The following CCDC148 variants were observed in gnomAD, a reference collection of about 807,000 sequenced individuals.
CCDC148 encodes coiled-coil domain-containing protein 148.
A neutral mutation model predicts 85.7 loss-of-function variants in CCDC148; 89 were observed. The observed-to-expected ratio is 1.04, with a 90% CI of 0.87 to 1.24. The LOEUF (loss-of-function observed/expected upper bound fraction) is 1.24, where lower values mean the gene tolerates loss of function less well. Among genes scored for constraint, CCDC148 ranks in the 50% most tolerant of loss-of-function variants. CCDC148 has a pLI of 0.00. For synonymous variants in CCDC148, 230 were observed against 213.9 expected (o/e 1.08, Z -0.66); for missense variants, 692 against 671.7 (o/e 1.03, Z -0.33).
chr2:158,171,268 A>C lies in CCDC148; in HGVS notation c.*845T>G, dbSNP rs761698215. ...TCAGGGAGCTGCAATAGACAGAAAAAGGAGTGGGGTAATCTTAACTGTAAC... is the reference window on the plus strand; with the variant it reads ...TCAGGGAGCTGCAATAGACAGAAAACGGAGTGGGGTAATCTTAACTGTAAC... On this transcript the variant is annotated 3_prime_UTR_variant, in exon 14 of 14. Transcript: ENST00000283233. The C allele has an allele frequency of 6.6e-6, 1 of 151,878 alleles. No homozygotes were observed. Among genetic ancestry groups the C allele is most frequent in the Non-Finnish European group, 1.5e-5 (1 of 67,912 alleles). 9.4% of individuals were successfully genotyped at this position (151,878 alleles called of 1,614,324 possible). A position where few individuals can be genotyped will look rare whatever the true frequency, so the allele number is the denominator to read the frequency against.
chr2:158,340,003 G>T (rs1241218995), intron 5 of CCDC148, among the ~76,000 whole-genome samples: 2 of 152,160 alleles, frequency 1.3e-5, no homozygotes, highest in Admixed American at 1.3e-4. Flanking sequence ...ATGAAAGCAG[G>T]GAAGCCAGTT....
rs1414990411 is a variant in CCDC148 at position 158,338,917 on chromosome 2, A to G, written c.583-10T>C. 2 of 1,599,992 alleles carry G rather than the reference A, an allele frequency of 1.3e-6. No individual in the cohort carries two copies. Among genetic ancestry groups the G allele is most frequent in the Non-Finnish European group, 1.7e-6 (2 of 1,174,976 alleles). ...AAGAATGATCTAGAATCTGAAAAAA[A>G]GTATATGATTATTTTATTTAACATA... is the stretch of plus-strand genomic sequence containing the variant. On this transcript the variant is annotated splice_polypyrimidine_tract_variant and intron_variant, in intron 6 of 13. Coordinates refer to ENST00000283233, the MANE Select transcript of CCDC148 (RefSeq NM_138803.4).
intron 7 of CCDC148, among the ~76,000 whole-genome samples, chr2:158,330,018 G>A (rs1693010125): frequency 6.6e-6 from 1 of 152,008 alleles, no homozygotes; most frequent in Non-Finnish European, 1.5e-5. Context: ...CTGCCTGATT[G>A]CCCTGGCCAG....
intron 11 of CCDC148, among the ~76,000 whole-genome samples, chr2:158,209,216 T>C (rs1437020913): frequency 6.6e-6 from 1 of 152,196 alleles, no homozygotes; most frequent in Non-Finnish European, 1.5e-5. Flanking sequence ...ACCAGGGTAG[T>C]GGCATATTGT....
chr2:158,410,953 A>C (rs1388945905), intron 1 of CCDC148, among the ~76,000 whole-genome samples: 1 of 152,078 alleles, frequency 6.6e-6, no homozygotes, highest in Admixed American at 6.5e-5. Context: ...TTATTTTTAA[A>C]GGATAGTTTT....
intron 1 of CCDC148, chr2:158,380,752 T>C (rs747639552): frequency 3.3e-5 from 5 of 152,136 alleles, no homozygotes; most frequent in Admixed American, 6.6e-5. Flanking sequence ...AAGACTGTTA[T>C]TGGAGCAAGG....
chr2:158,224,078 T>C (rs546937981), intron 10 of CCDC148, among the ~76,000 whole-genome samples: 7 of 151,832 alleles, frequency 4.6e-5, no homozygotes, highest in Non-Finnish European at 1.0e-4. Context: ...TGAAAAAAAA[T>C]TAGACGAATG....
intron 10 of CCDC148, among the ~76,000 whole-genome samples, chr2:158,249,553 G>A (rs1425194210): frequency 1.3e-5 from 2 of 152,126 alleles, no homozygotes; most frequent in African/African-American, 4.8e-5. Flanking sequence ...GCACTGTGAA[G>A]TATATCTTCT....
chr2:158,256,434 C>T (rs924603863), intron 9 of CCDC148, among the ~76,000 whole-genome samples: 4 of 151,672 alleles, frequency 2.6e-5, no homozygotes, highest in Admixed American at 6.6e-5. Context: ...TTCTTCTCCA[C>T]GCAAAGCTGA....
chr2:158,394,780 C>T (rs1273629485), intron 1 of CCDC148, among the ~76,000 whole-genome samples: 2 of 152,034 alleles, frequency 1.3e-5, no homozygotes, highest in East Asian at 1.9e-4. Context: ...TGCTAACTCA[C>T]AGGCAGTAAA....
chr2:158,372,205 G>A (rs984326393), intron 1 of CCDC148, among the ~76,000 whole-genome samples: 4 of 152,026 alleles, frequency 2.6e-5, no homozygotes, highest in African/African-American at 9.6e-5. Context: ...TATAAATTAG[G>A]TATATGCTAC....
intron 1 of CCDC148, among the ~76,000 whole-genome samples, chr2:158,437,844 A>T (rs1230899518): frequency 6.6e-6 from 1 of 152,224 alleles, no homozygotes; most frequent in African/African-American, 2.4e-5. Flanking sequence ...ACAGACAGAG[A>T]GCCAAATTAT....
rs1280343924 is a variant in CCDC148, at chr2:158,313,855, C to T, written c.804G>A (p.Gln268=). The change falls in exon 8 of 14, where the codon CAG becomes CAA. Residue 268 remains glutamine (Q), a synonymous_variant. Transcript: ENST00000283233. ...CTCCAGGGTACTGATCCAAAATAGC[C>T]TGGTAAATCCAGTGGTCTTCTTCAC... ...QLSEEDHWIY[Q]AILDQYPGDL... 6.2e-7 allele frequency: 1 copy of T among 1,613,698 alleles called. No homozygotes were observed. Among genetic ancestry groups the T allele is most frequent in the Non-Finnish European group, 8.5e-7 (1 of 1,179,888 alleles).
At chr2:158,182,672 C>T (rs1684961901) in intron 11 of CCDC148, among the ~76,000 whole-genome samples, 1 of 152,068 alleles carries the variant, frequency 6.6e-6, no homozygotes, top group East Asian at 1.9e-4. Flanking sequence ...AAGGATTGGC[C>T]ATGAAAAAAT....
At chr2:158,444,085 T>C (rs1688058915) in intron 1 of CCDC148, among the ~76,000 whole-genome samples, 1 of 152,222 alleles carries the variant, frequency 6.6e-6, no homozygotes, top group Non-Finnish European at 1.5e-5. Flanking sequence ...TTTTTAAATA[T>C]GAGGAGGAGA....
At chr2:158,238,414 C>G (rs186227571) in intron 10 of CCDC148, among the ~76,000 whole-genome samples, 1 of 152,162 alleles carries the variant, frequency 6.6e-6, no homozygotes, top group African/African-American at 2.4e-5. Context: ...TGGAAATTCT[C>G]TTCTTGTGAA....
intron 10 of CCDC148, among the ~76,000 whole-genome samples, chr2:158,235,217 G>C (rs1439202345): frequency 6.6e-6 from 1 of 152,134 alleles, no homozygotes; most frequent in Non-Finnish European, 1.5e-5. Flanking sequence ...ATAATGTCTG[G>C]CCAAGGAAAT....
chr2:158,187,647 T>C (rs1299882237), intron 11 of CCDC148, among the ~76,000 whole-genome samples: 1 of 152,070 alleles, frequency 6.6e-6, no homozygotes. Flanking sequence ...CTGGTACTGA[T>C]GATACCTTCT....
At chr2:158,297,766 G>A (rs1691258559) in intron 9 of CCDC148, among the ~76,000 whole-genome samples, 1 of 152,200 alleles carries the variant, frequency 6.6e-6, no homozygotes. Context: ...TGGTCTAGTA[G>A]AAGCCACACT....
Sources: gnomAD v4.1 joint callset for allele counts (sites outside exome capture counted in the v4.1 genomes callset) on GRCh38, gnomAD v4.1.1 for gene constraint, MANE v1.5 for transcripts, NCBI Gene and HGNC (gene_info 2026-07-23, HGNC 2026-07-21) for gene names.